Variants in PLCE1 observed in about 807,000 individuals in gnomAD.
PLCE1 encodes the protein 1-phosphatidylinositol 4,5-bisphosphate phosphodiesterase epsilon-1.
PLCE1 carries 119 observed loss-of-function variants against 242.8 expected under a neutral mutation model. The observed-to-expected ratio is 0.49, with a 90% CI of 0.42 to 0.57. The LOEUF is 0.57. PLCE1 is among the 20% of genes least tolerant of loss of function. The probability of loss-of-function intolerance (pLI) is 0.00; values close to 1 mark genes in which losing one functional copy is unlikely to be tolerated. For synonymous variants in PLCE1, 945 were observed against 1,017.4 expected (o/e 0.93, Z 1.35); for missense variants, 2,441 against 2,788.8 (o/e 0.88, Z 2.81).
rs141886832 is a variant in PLCE1, at chr10:94,257,703, T to C, written c.3555-1097T>C. On this transcript the variant is annotated intron_variant, in intron 11 of 32. Coordinates refer to ENST00000371380, the MANE Select transcript of PLCE1 (RefSeq NM_016341.4). The stretch of plus-strand genomic sequence containing the variant: ...ACCAAACACCGCGTGTTCTCACTCA[T>C]AGGTAGGAATTGAACAATGAGAACA... Among the ~76,000 whole-genome samples, 374 of 152,118 alleles carry C rather than the reference T, an allele frequency of 2.5e-3. 1 individual carries two copies. The highest frequency in any genetic ancestry group is 4.1e-3 in the Non-Finnish European group (276 of 67,990).
chr10:94,260,254 A>G (rs1049551322), intron 13 of PLCE1, among the ~76,000 whole-genome samples: 5 of 152,136 alleles, frequency 3.3e-5, no homozygotes, highest in Admixed American at 3.3e-4. Flanking sequence ...TCCACAGGGT[A>G]CTTCTGTCTG....
chr10:94,133,813 G>C (rs932985688), intron 3 of PLCE1, among the ~76,000 whole-genome samples: 2 of 152,100 alleles, frequency 1.3e-5, no homozygotes, highest in Non-Finnish European at 2.9e-5. Flanking sequence ...TTAGGTGTTA[G>C]GTGCTGGAAA....
intron 9 of PLCE1, among the ~76,000 whole-genome samples, chr10:94,253,473 C>T (rs189736085): frequency 9.9e-5 from 15 of 152,250 alleles, no homozygotes; most frequent in Admixed American, 9.8e-4. Flanking sequence ...CCTGCCTCAG[C>T]CTGCCAAGTA....
intron 4 of PLCE1, among the ~76,000 whole-genome samples, chr10:94,197,204 T>A (rs1471479432): frequency 2.0e-5 from 3 of 152,268 alleles, no homozygotes; most frequent in Admixed American, 2.0e-4. Flanking sequence ...TATTTCATTA[T>A]GTGCGTATAC....
intron 4 of PLCE1, among the ~76,000 whole-genome samples, chr10:94,194,869 C>T (rs755693772): frequency 3.9e-5 from 6 of 152,158 alleles, no homozygotes; most frequent in Non-Finnish European, 7.3e-5. Context: ...ACTTTTAGAA[C>T]AGATAAGAAA....
chr10:94,324,154 G>C lies in PLCE1; in HGVS notation c.6502-195G>C, dbSNP rs1224208134. Among the ~76,000 whole-genome samples, 6 of 152,310 alleles carry C rather than the reference G, an allele frequency of 3.9e-5. No homozygotes were observed. The East Asian group carries it at 1.2e-3, about 29-fold the overall frequency. Reference sequence around the variant, plus strand: ...CACCTAATTCATAGACTGTTGCAAAGCTAAATGAGGTAACGTGGGAAATTA... The same window carrying C: ...CACCTAATTCATAGACTGTTGCAAACCTAAATGAGGTAACGTGGGAAATTA... On this transcript the variant is annotated intron_variant, in intron 30 of 32. Coordinates refer to ENST00000371380, the MANE Select transcript of PLCE1 (RefSeq NM_016341.4).
chr10:94,087,349 CAAAAAAAAAAA>C (rs57482986), intron 2 of PLCE1, among the ~76,000 whole-genome samples: 3 of 67,512 alleles, frequency 4.4e-5, no homozygotes, highest in East Asian at 4.2e-4. Flanking sequence ...GACCCTGTCT[CAAAAAAAAAAA>C]AAAAAAAAAA....
intron 3 of PLCE1, among the ~76,000 whole-genome samples, chr10:94,132,981 CT>C (rs1225127012): frequency 8.9e-5 from 13 of 146,004 alleles, no homozygotes; most frequent in Admixed American, 4.1e-4. Flanking sequence ...ATTTTTGAAA[CT>C]TTTTTTCAAA....
At chr10:93,994,392 G>A (rs539620639) in intron 1 of PLCE1, among the ~76,000 whole-genome samples, 134 bp downstream of exon 1, 3 of 152,240 alleles carry the variant, frequency 2.0e-5, no homozygotes, top group Non-Finnish European at 2.9e-5. Context: ...GTGTCCTCGC[G>A]CTCCCGGGGG....
At position 94,328,207 on chromosome 10, in the gene PLCE1, G is replaced by C. The variant is rs1308082830; in HGVS notation, c.*264G>C. ...GCAGTTGGAAAAATCGTCACGAATTGACTTAGAGCAAGGGTCAGCAAGCTT... is the reference window on the plus strand; with the variant it reads ...GCAGTTGGAAAAATCGTCACGAATTCACTTAGAGCAAGGGTCAGCAAGCTT... On this transcript the variant is annotated 3_prime_UTR_variant, in exon 33 of 33. Transcript: ENST00000371380. The C allele has an allele frequency of 9.6e-6, 3 of 311,548 alleles. No individual in the cohort carries two copies. The highest frequency in any genetic ancestry group is 1.3e-5 in the Non-Finnish European group (2 of 148,902). 19.3% of individuals were successfully genotyped at this position (311,548 alleles called of 1,614,324 possible). A position where few individuals can be genotyped will look rare whatever the true frequency, so the allele number is the denominator to read the frequency against.
intron 30 of PLCE1, among the ~76,000 whole-genome samples, chr10:94,323,608 A>G (rs1310331047): frequency 6.6e-6 from 1 of 152,216 alleles, no homozygotes; most frequent in Admixed American, 6.5e-5. Flanking sequence ...CTTGAAGGTT[A>G]AGTATATGTA....
chr10:94,178,695 T>A (rs953975167), intron 4 of PLCE1, among the ~76,000 whole-genome samples: 2 of 152,142 alleles, frequency 1.3e-5, no homozygotes, highest in Non-Finnish European at 2.9e-5. Flanking sequence ...TTCATAGCAA[T>A]GATGATCGCT....
At chr10:94,067,401 C>G (rs189108941) in intron 2 of PLCE1, among the ~76,000 whole-genome samples, 1 of 152,310 alleles carries the variant, frequency 6.6e-6, no homozygotes, top group East Asian at 1.9e-4. Flanking sequence ...CCCCAAACAT[C>G]CTGAACCCAG....
chr10:94,061,710 AAG>A (rs1170225372), intron 2 of PLCE1, among the ~76,000 whole-genome samples: 1 of 152,188 alleles, frequency 6.6e-6, no homozygotes, highest in African/African-American at 2.4e-5. Flanking sequence ...AAAAAAAAAA[AAG>A]AAGTTAATCC....
intron 2 of PLCE1, among the ~76,000 whole-genome samples, chr10:94,100,904 A>G (rs1423938272): frequency 1.3e-5 from 2 of 152,130 alleles, no homozygotes; most frequent in African/African-American, 4.8e-5. Context: ...GGAGGCTCAG[A>G]TGGGGCTTCC....
intron 18 of PLCE1, among the ~76,000 whole-genome samples, chr10:94,272,780 T>C (rs924008508): frequency 1.3e-5 from 2 of 152,170 alleles, no homozygotes; most frequent in African/African-American, 4.8e-5. Flanking sequence ...GTAGAGGCAT[T>C]TGTGGAAATG....
intron 4 of PLCE1, among the ~76,000 whole-genome samples, chr10:94,223,376 G>A (rs2049829033): frequency 6.6e-6 from 1 of 152,124 alleles, no homozygotes; most frequent in African/African-American, 2.4e-5. Flanking sequence ...TGAGGTGATT[G>A]GAGAATGGAC....
chr10:94,138,973 G>T lies in PLCE1; in HGVS notation c.1492+6514G>T, dbSNP rs185995777. The T allele has an allele frequency of 2.5e-3, 380 of 153,908 alleles. 1 individual carries two copies. The highest frequency in any genetic ancestry group is 4.1e-3 in the Non-Finnish European group (283 of 69,292). 9.5% of individuals were successfully genotyped at this position (153,908 alleles called of 1,614,324 possible). A position where few individuals can be genotyped will look rare whatever the true frequency, so the allele number is the denominator to read the frequency against. ...GACCCTGACAAGTGCATCTCCATCT[G>T]TTCCTCTGACAAACAAACTGCCTGT... is the stretch of plus-strand genomic sequence containing the variant. On this transcript the variant is annotated intron_variant, in intron 3 of 32. Transcript: ENST00000371380.
chr10:94,013,049 T>G (rs2061201495), intron 1 of PLCE1, among the ~76,000 whole-genome samples: 1 of 152,250 alleles, frequency 6.6e-6, no homozygotes, highest in Admixed American at 6.5e-5. Flanking sequence ...TGGAATATAC[T>G]AGCGACTCAC....
Sources: allele counts gnomAD v4.1 joint callset (sites outside exome capture counted in the v4.1 genomes callset), GRCh38; gene constraint gnomAD v4.1.1; transcripts MANE v1.5; gene names NCBI Gene and HGNC (gene_info 2026-07-23, HGNC 2026-07-21).